Variants in HHAT observed in about 807,000 individuals in gnomAD.
HHAT encodes the protein hedgehog acyltransferase.
HHAT carries 47 observed loss-of-function variants against 70.8 expected under a neutral mutation model. The observed-to-expected ratio is 0.66, with a 90% CI of 0.53 to 0.85. The LOEUF (loss-of-function observed/expected upper bound fraction) is 0.85, where lower values mean the gene tolerates loss of function less well. Among genes scored for constraint, HHAT ranks in the 40% least tolerant of loss-of-function variants. HHAT has a pLI of 0.00. For missense variants in HHAT, 609 were observed against 604.8 expected (o/e 1.01, Z -0.07); for synonymous variants, 228 against 247.6 (o/e 0.92, Z 0.74).
intron 2 of HHAT, among the ~76,000 whole-genome samples, chr1:210,352,303 C>T (rs2087107762): frequency 6.6e-6 from 1 of 152,132 alleles, no homozygotes; most frequent in Non-Finnish European, 1.5e-5. Flanking sequence ...AAATATCTTC[C>T]TCAAATGCTT....
At chr1:210,398,452 T>C (rs1268940816) in intron 4 of HHAT, among the ~76,000 whole-genome samples, 2 of 152,088 alleles carry the variant, frequency 1.3e-5, no homozygotes, top group Non-Finnish European at 2.9e-5. Context: ...ATGGGACAAA[T>C]TTTTCTGCCC....
chr1:210,515,894 A>G (rs1471645352), intron 9 of HHAT, among the ~76,000 whole-genome samples: 2 of 152,092 alleles, frequency 1.3e-5, no homozygotes, highest in Admixed American at 1.3e-4. Flanking sequence ...ATGAAAAAAA[A>G]TAGTGCCTCT....
chr1:210,666,788 A>G (rs773531069), intron 11 of HHAT, among the ~76,000 whole-genome samples: 15 of 151,976 alleles, frequency 9.9e-5, no homozygotes, highest in African/African-American at 1.4e-4. Context: ...CTGGCCTACC[A>G]TCATTTTAAA....
chr1:210,409,985 G>C (rs993295533), intron 6 of HHAT, among the ~76,000 whole-genome samples: 1 of 152,022 alleles, frequency 6.6e-6, no homozygotes, highest in Admixed American at 6.6e-5. Flanking sequence ...CAAGAGAGCC[G>C]CCCTGCACAT....
chr1:210,538,755 A>C (rs2095399852), intron 9 of HHAT, among the ~76,000 whole-genome samples: 1 of 152,204 alleles, frequency 6.6e-6, no homozygotes, highest in Non-Finnish European at 1.5e-5. Context: ...CTGGATTTAA[A>C]AGGACTAACC....
intron 8 of HHAT, among the ~76,000 whole-genome samples, chr1:210,474,598 C>A (rs945694612): frequency 6.6e-6 from 1 of 152,168 alleles, no homozygotes; most frequent in South Asian, 2.1e-4. Context: ...ACTTCCTGGG[C>A]CCATCCTCCA....
Position 210,362,875 on chromosome 1 carries a change from G to C in HHAT, c.115G>C (p.Glu39Gln). 6.2e-7 allele frequency: 1 copy of C among 1,613,982 alleles called. No homozygotes were observed. Among genetic ancestry groups the C allele is most frequent in the Non-Finnish European group, 8.5e-7 (1 of 1,179,896 alleles). ...AGAACACGAAGAGGAGCTGGACCAGGAATTTGAGCTGGAGACTGACACTTT... is the reference window on the plus strand; with the variant it reads ...AGAACACGAAGAGGAGCTGGACCAGCAATTTGAGCTGGAGACTGACACTTT... ...SREHEEELDQ[E>Q]FELETDTLFG... The change falls in exon 3 of 12, where the codon GAA (glutamate) becomes CAA (glutamine). Residue 39 changes from glutamate to glutamine, a missense_variant. Physicochemically the swap from Glu to Gln is conservative, Grantham distance 29. Transcript: ENST00000261458.
At chr1:210,603,396 T>G (rs936059317) in intron 10 of HHAT, among the ~76,000 whole-genome samples, 1 of 152,120 alleles carries the variant, frequency 6.6e-6, no homozygotes, top group African/African-American at 2.4e-5. Context: ...CTAATCTCAG[T>G]CTAGTGCCTA....
At chr1:210,433,647 A>G (rs1167514650) in intron 7 of HHAT, among the ~76,000 whole-genome samples, 3 of 151,918 alleles carry the variant, frequency 2.0e-5, no homozygotes, top group Non-Finnish European at 4.4e-5. Context: ...TGGGAGCTCC[A>G]TGGCAACAGG....
At chr1:210,614,732 G>T (rs1667318148) in intron 10 of HHAT, among the ~76,000 whole-genome samples, 2 of 152,148 alleles carry the variant, frequency 1.3e-5, no homozygotes, top group South Asian at 4.1e-4. Context: ...CCCTACAAAG[G>T]ACATGAACTC....
upstream of HHAT, among the ~76,000 whole-genome samples, chr1:210,328,698 G>A (rs1241892471): frequency 1.3e-5 from 2 of 152,248 alleles, no homozygotes; most frequent in Non-Finnish European, 2.9e-5. Context: ...ATGAACACAC[G>A]GGTGGGGGAG....
chr1:210,545,785 G>C (rs1257425244), intron 9 of HHAT, among the ~76,000 whole-genome samples: 1 of 152,102 alleles, frequency 6.6e-6, no homozygotes, highest in East Asian at 1.9e-4. Context: ...CAGTAAAATT[G>C]TGTTGTTTCT....
At chr1:210,633,882 T>C (rs59841008) in intron 11 of HHAT, among the ~76,000 whole-genome samples, 4,458 of 152,260 alleles carry the variant, frequency 0.029, 135 homozygotes, top group Admixed American at 0.066. Context: ...CCTCTGGCTA[T>C]TGTAGCGTGC....
At chr1:210,638,589 T>C (rs1200123258) in intron 11 of HHAT, among the ~76,000 whole-genome samples, 1 of 152,084 alleles carries the variant, frequency 6.6e-6, no homozygotes, top group Non-Finnish European at 1.5e-5. Context: ...TATTCTAAAA[T>C]TGAATATGGG....
chr1:210,424,879 G>A (rs1222733271), intron 7 of HHAT, among the ~76,000 whole-genome samples: 1 of 152,106 alleles, frequency 6.6e-6, no homozygotes, highest in African/African-American at 2.4e-5. Flanking sequence ...TGGGATTGCT[G>A]GGTCAAATGG....
intron 8 of HHAT, among the ~76,000 whole-genome samples, chr1:210,475,432 G>A (rs1204431661): frequency 6.6e-6 from 1 of 152,140 alleles, no homozygotes; most frequent in African/African-American, 2.4e-5. Context: ...GTTTTTGTGG[G>A]ATGCATCTTG....
At chr1:210,364,767 TC>T (rs1283903380) in intron 3 of HHAT, among the ~76,000 whole-genome samples, 2 of 152,200 alleles carry the variant, frequency 1.3e-5, no homozygotes, top group Non-Finnish European at 2.9e-5. Context: ...GATGACCCCT[TC>T]TCAGTGCTCT....
chr1:210,607,045 A>C (rs1271576519), intron 10 of HHAT, among the ~76,000 whole-genome samples: 1 of 152,208 alleles, frequency 6.6e-6, no homozygotes, highest in African/African-American at 2.4e-5. Context: ...GTGAAGAAGG[A>C]AGAGGGAAAC....
chr1:210,374,438 T>C lies in HHAT; in HGVS notation c.159+11519T>C, dbSNP rs139764252. On this transcript the variant is annotated intron_variant, in intron 3 of 11. Transcript: ENST00000261458. ...TCAAAAGAAATATTCTTTTAAGCTT[T>C]AAATAATTTACTATGTGCAGGGTAC... Among the ~76,000 whole-genome samples the C allele has an allele frequency of 3.2e-3, 490 of 152,344 alleles. 7 individuals carry two copies. Among genetic ancestry groups the C allele is most frequent in the African/African-American group, 0.011 (470 of 41,576 alleles).
Sources: gnomAD v4.1 joint callset for allele counts (sites outside exome capture counted in the v4.1 genomes callset) on GRCh38, gnomAD v4.1.1 for gene constraint, MANE v1.5 for transcripts, NCBI Gene and HGNC (gene_info 2026-07-23, HGNC 2026-07-21) for gene names.